NCOA2: variants seen among roughly 807,000 people sequenced by gnomAD.
NCOA2 encodes nuclear receptor coactivator 2.
NCOA2 carries 21 observed loss-of-function variants against 145.1 expected under a neutral mutation model. The observed-to-expected ratio is 0.14, with a 90% CI of 0.10 to 0.21. The LOEUF is 0.21. NCOA2 is among the 10% of genes least tolerant of loss of function. The pLI, the probability that NCOA2 is intolerant of heterozygous loss-of-function variation, is 1.00. For missense variants in NCOA2, 1,472 were observed against 1,837.6 expected (o/e 0.80, Z 3.64); for synonymous variants, 619 against 637.5 (o/e 0.97, Z 0.44).
At chr8:70,418,250 A>G in the NCOA2 span, among the ~76,000 whole-genome samples, 1 of 152,186 alleles carries the variant, frequency 6.6e-6, no homozygotes, top group South Asian at 2.1e-4. Context: ...CTGACATTAT[A>G]ACTGAGTCTT....
chr8:70,168,072 T>C (rs1813833803), intron 6 of NCOA2, among the ~76,000 whole-genome samples: 1 of 152,176 alleles, frequency 6.6e-6, no homozygotes, highest in Admixed American at 6.5e-5. Flanking sequence ...AACTAATATA[T>C]TCTCCAGTCA....
chr8:70,208,941 TAAGA>T (rs1208600136), intron 4 of NCOA2, among the ~76,000 whole-genome samples: 3 of 152,254 alleles, frequency 2.0e-5, no homozygotes, highest in African/African-American at 7.2e-5. Flanking sequence ...AAGGTGTACT[TAAGA>T]AATACACTTT....
intron 1 of NCOA2, among the ~76,000 whole-genome samples, chr8:70,305,923 T>C (rs1827855059): frequency 6.6e-6 from 1 of 152,344 alleles, no homozygotes; most frequent in African/African-American, 2.4e-5. Context: ...AGCCACATTT[T>C]AATCAACTTT....
At chr8:70,274,956 A>G (rs1825363031) in intron 2 of NCOA2, among the ~76,000 whole-genome samples, 1 of 152,198 alleles carries the variant, frequency 6.6e-6, no homozygotes, top group African/African-American at 2.4e-5. Flanking sequence ...TTTCGGCTAG[A>G]GAAGTGGCAC....
chr8:70,451,400 C>CAAAAAA, the NCOA2 span, among the ~76,000 whole-genome samples: 1 of 67,510 alleles, frequency 1.5e-5, no homozygotes, highest in African/African-American at 6.0e-5. Flanking sequence ...AGAGTGAGAC[C>CAAAAAA]AAAAAAAAAA....
At chr8:70,422,254 A>G in the NCOA2 span, among the ~76,000 whole-genome samples, 58,346 of 151,986 alleles carry the variant, frequency 0.38, 11,620 homozygotes, top group South Asian at 0.58. Flanking sequence ...TTCTTGCAAG[A>G]TTCCTCTAAG....
intron 1 of NCOA2, among the ~76,000 whole-genome samples, chr8:70,350,380 T>C (rs1809069693): frequency 6.6e-6 from 1 of 152,014 alleles, no homozygotes; most frequent in African/African-American, 2.4e-5. Context: ...TGCAGTTAGG[T>C]TTTTTTCCTG....
At position 70,112,602 on chromosome 8, in the gene NCOA2, G is replaced by T. The variant is rs1806637369; in HGVS notation, c.*1030C>A. On this transcript the variant is annotated 3_prime_UTR_variant, in exon 23 of 23. Transcript: ENST00000452400. ...AAAGCAGGTATCCTTAGCTCGATTG[G>T]TATCAAGCCTTAACTTTGCTCTTCT... 4.9e-6 allele frequency: 1 copy of T among 204,620 alleles called. No individual in the cohort carries two copies. Among genetic ancestry groups the T allele is most frequent in the Non-Finnish European group, 1.0e-5 (1 of 100,080 alleles). 12.7% of individuals were successfully genotyped at this position (204,620 alleles called of 1,614,324 possible).
At chr8:70,427,236 GA>G in the NCOA2 span, among the ~76,000 whole-genome samples, 2 of 152,086 alleles carry the variant, frequency 1.3e-5, no homozygotes, top group Non-Finnish European at 2.9e-5. Context: ...TTTTCAGGAG[GA>G]AAAATGAGCA....
chr8:70,416,938 T>G, the NCOA2 span, among the ~76,000 whole-genome samples: 1 of 152,162 alleles, frequency 6.6e-6, no homozygotes, highest in Non-Finnish European at 1.5e-5. Flanking sequence ...TGATAATACT[T>G]AAATACTTGA....
chr8:70,380,007 A>T (rs1172893069), intron 1 of NCOA2, among the ~76,000 whole-genome samples: 4 of 152,284 alleles, frequency 2.6e-5, no homozygotes, highest in Admixed American at 6.5e-5. Flanking sequence ...AAAAAAAGGC[A>T]GTCGGATTAG....
chr8:70,367,210 C>G (rs1810784482), intron 1 of NCOA2, among the ~76,000 whole-genome samples: 1 of 152,176 alleles, frequency 6.6e-6, no homozygotes, highest in Non-Finnish European at 1.5e-5. Context: ...TCCTTTAATA[C>G]AAACTCCTAA....
rs948304524 is a variant in NCOA2 at position 70,403,724 on chromosome 8, G to C, written c.-101C>G. 7.6e-6 allele frequency: 3 copies of C among 396,834 alleles called. No homozygotes were observed. Among genetic ancestry groups the C allele is most frequent in the African/African-American group, 2.1e-5 (1 of 48,518 alleles). 24.6% of individuals were successfully genotyped at this position (396,834 alleles called of 1,614,324 possible). On this transcript the variant is annotated 5_prime_UTR_variant, in exon 1 of 23. Transcript: ENST00000452400. Reference sequence around the variant, plus strand: ...CCGGCTCGGGTCGGTCACGCCGTCAGGTGCCGGCTGCCGTCGGCGCTGACC... The same window carrying C: ...CCGGCTCGGGTCGGTCACGCCGTCACGTGCCGGCTGCCGTCGGCGCTGACC...
At chr8:70,339,829 T>C (rs1807960160) in intron 1 of NCOA2, among the ~76,000 whole-genome samples, 1 of 152,046 alleles carries the variant, frequency 6.6e-6, no homozygotes, top group African/African-American at 2.4e-5. Context: ...GACAAAAACA[T>C]GCAATGGGGA....
intron 15 of NCOA2, among the ~76,000 whole-genome samples, chr8:70,132,524 G>A (rs1185867762): frequency 6.6e-6 from 1 of 152,170 alleles, no homozygotes; most frequent in Admixed American, 6.6e-5. Context: ...ATTTGGCTGG[G>A]TTGATAGGAA....
intron 2 of NCOA2, among the ~76,000 whole-genome samples, chr8:70,255,611 G>A (rs1004826320): frequency 6.6e-6 from 1 of 152,076 alleles, no homozygotes; most frequent in South Asian, 2.1e-4. Context: ...AATCTATCAC[G>A]TTCGGCACAT....
At chr8:70,125,032 G>A (rs1413153257) in intron 19 of NCOA2, among the ~76,000 whole-genome samples, 167 bp from the exon 20 acceptor site, 4 of 151,958 alleles carry the variant, frequency 2.6e-5, no homozygotes, top group East Asian at 1.9e-4. Flanking sequence ...TTCCAAGCTC[G>A]GATAAAATAT....
At chr8:70,362,404 C>G (rs1030687138) in intron 1 of NCOA2, among the ~76,000 whole-genome samples, 3 of 152,202 alleles carry the variant, frequency 2.0e-5, no homozygotes, top group Non-Finnish European at 1.5e-5. Flanking sequence ...AAATAACTCA[C>G]AAGTCGCATA....
the NCOA2 span, among the ~76,000 whole-genome samples, chr8:70,442,163 G>GAAAGAAAGAAAGAA: frequency 2.9e-4 from 41 of 141,566 alleles, 1 homozygote; most frequent in East Asian, 7.0e-3. Flanking sequence ...AAGAAAGAAA[G>GAAAGAAAGAAAGAA]AGAAAGGCTG....
Sources: allele counts gnomAD v4.1 joint callset (sites outside exome capture counted in the v4.1 genomes callset), GRCh38; gene constraint gnomAD v4.1.1; transcripts MANE v1.5; gene names NCBI Gene and HGNC (gene_info 2026-07-23, HGNC 2026-07-21).